KLF12: variants seen among roughly 807,000 people sequenced by gnomAD.
KLF12 encodes Krueppel-like factor 12.
KLF12 carries 9 observed loss-of-function variants against 37.8 expected under a neutral mutation model. The ratio of observed to expected loss-of-function variants is 0.24; its 90% confidence interval spans 0.14 to 0.42. The LOEUF (loss-of-function observed/expected upper bound fraction) is 0.42. KLF12 is among the 10% of genes least tolerant of loss of function. KLF12 has a pLI of 1.00. For synonymous variants in KLF12, 208 were observed against 202.1 expected, an observed-to-expected ratio of 1.03 and a Z score of -0.25; for missense variants, 411 against 516.0, an observed-to-expected ratio of 0.80 and a Z score of 1.97.
intron 5 of KLF12, chr13:73,800,051 C>A (rs552502857): frequency 1.2e-4 from 18 of 152,108 alleles, no homozygotes; most frequent in African/African-American, 4.3e-4. Context: ...GGGAAAGACA[C>A]AATAGCTGAT....
intron 1 of KLF12, among the ~76,000 whole-genome samples, chr13:74,058,306 T>C (rs1873368819): frequency 6.6e-6 from 1 of 151,174 alleles, no homozygotes; most frequent in Non-Finnish European, 1.5e-5. Context: ...AACCTTAGTT[T>C]CCTCATCTGC....
the KLF12 span, among the ~76,000 whole-genome samples, chr13:74,295,749 A>G: frequency 6.6e-6 from 1 of 152,136 alleles, no homozygotes; most frequent in Non-Finnish European, 1.5e-5. Flanking sequence ...TAATTCTGAA[A>G]GCTTTCCTGG....
At chr13:74,017,567 C>A (rs1354947015) in intron 1 of KLF12, among the ~76,000 whole-genome samples, 3 of 141,032 alleles carry the variant, frequency 2.1e-5, no homozygotes, top group South Asian at 4.9e-4. Flanking sequence ...GTCCCCCCCA[C>A]CCCCCAAAAA....
At chr13:74,108,513 G>A (rs1378080198) in intron 1 of KLF12, among the ~76,000 whole-genome samples, 1 of 152,010 alleles carries the variant, frequency 6.6e-6, no homozygotes, top group African/African-American at 2.4e-5. Context: ...GGGGGGTGAG[G>A]GTCATAGGAG....
At chr13:74,214,121 T>G in the KLF12 span, among the ~76,000 whole-genome samples, 1 of 152,236 alleles carries the variant, frequency 6.6e-6, no homozygotes, top group Non-Finnish European at 1.5e-5. Context: ...ATTTTTATTT[T>G]TTATTTGCCT....
chr13:73,805,622 G>GAGGGAGGGAGGAAGGAAGGAAGGA (rs1566380071), intron 5 of KLF12, among the ~76,000 whole-genome samples: 1 of 40,306 alleles, frequency 2.5e-5, no homozygotes, highest in East Asian at 8.9e-4. Flanking sequence ...GGGAGGGAGG[G>GAGGGAGGGAGGAAGGAAGGAAGGA]AGGGAGGGAG....
chr13:74,205,245 C>T, the KLF12 span, among the ~76,000 whole-genome samples: 7 of 152,174 alleles, frequency 4.6e-5, no homozygotes, highest in African/African-American at 1.7e-4. Flanking sequence ...GTTGAATTAA[C>T]CCAACTTAGT....
chr13:74,284,357 C>A, the KLF12 span, among the ~76,000 whole-genome samples: 1 of 152,146 alleles, frequency 6.6e-6, no homozygotes, highest in African/African-American at 2.4e-5. Context: ...AACAAAAAGT[C>A]TTGAAGGGGG....
chr13:73,746,797 C>A (rs187451463), intron 6 of KLF12, among the ~76,000 whole-genome samples: 2 of 146,916 alleles, frequency 1.4e-5, no homozygotes, highest in Non-Finnish European at 3.0e-5. Context: ...AAAGCCATGC[C>A]CCTCCCTCCC....
intron 7 of KLF12, among the ~76,000 whole-genome samples, chr13:73,696,959 G>A (rs939383827): frequency 3.9e-5 from 6 of 152,140 alleles, no homozygotes; most frequent in East Asian, 1.9e-4. Flanking sequence ...TGAAGATTTC[G>A]TTTAGACGCC....
At chr13:74,063,109 T>C (rs1873707049) in intron 1 of KLF12, among the ~76,000 whole-genome samples, 1 of 152,204 alleles carries the variant, frequency 6.6e-6, no homozygotes, top group South Asian at 2.1e-4. Flanking sequence ...CGGTGCACCA[T>C]GTCAGGGTGC....
At chr13:74,016,899 T>A (rs529430289) in intron 1 of KLF12, among the ~76,000 whole-genome samples, 1 of 152,294 alleles carries the variant, frequency 6.6e-6, no homozygotes, top group East Asian at 1.9e-4. Context: ...GTAAAATGGA[T>A]GAATAAATCT....
At position 73,689,020 on chromosome 13, in the gene KLF12, G is replaced by A. The variant is rs76285113; in HGVS notation, c.*6470C>T. On this transcript the variant is annotated 3_prime_UTR_variant, in exon 8 of 8. Coordinates refer to ENST00000377669, the MANE Select transcript of KLF12 (RefSeq NM_007249.5). ...AAATGTTGTACAGGTTGCAGGTAAC[G>A]TATCTAAAAATTGCCTAGTCTATTG... The A allele has an allele frequency of 4.5e-3, 685 of 152,132 alleles. 6 individuals carry two copies. The highest frequency in any genetic ancestry group is 0.015 in the African/African-American group (643 of 41,502). 9.4% of individuals were successfully genotyped at this position (152,132 alleles called of 1,614,324 possible). A position where few individuals can be genotyped will look rare whatever the true frequency, so the allele number is the denominator to read the frequency against.
the KLF12 span, among the ~76,000 whole-genome samples, chr13:74,211,452 C>G: frequency 1.3e-5 from 2 of 152,144 alleles, no homozygotes; most frequent in African/African-American, 4.8e-5. Context: ...ACAGAGCATT[C>G]TAAGTGGACG....
chr13:74,176,509 G>T, the KLF12 span, among the ~76,000 whole-genome samples: 1 of 152,044 alleles, frequency 6.6e-6, no homozygotes, highest in South Asian at 2.1e-4. Flanking sequence ...ACCCATGATC[G>T]TTCAGTGGGT....
intron 1 of KLF12, among the ~76,000 whole-genome samples, chr13:74,058,785 T>G (rs773134098): frequency 8.3e-4 from 126 of 152,186 alleles, no homozygotes; most frequent in Non-Finnish European, 7.9e-4. Context: ...TGGATTGTTG[T>G]TCTTATTTTC....
At chr13:74,198,598 C>A in the KLF12 span, among the ~76,000 whole-genome samples, 59 of 152,134 alleles carry the variant, frequency 3.9e-4, no homozygotes, top group Middle Eastern at 3.2e-3. Flanking sequence ...AATAGTAATT[C>A]ATAAAAACTG....
At chr13:74,110,042 T>A (rs978836325) in intron 1 of KLF12, among the ~76,000 whole-genome samples, 28 of 152,198 alleles carry the variant, frequency 1.8e-4, no homozygotes, top group African/African-American at 6.8e-4. Context: ...CTTTAGCCAA[T>A]GCTTACAAGA....
At chr13:74,004,937 CA>C (rs11346178) in intron 1 of KLF12, among the ~76,000 whole-genome samples, 2,892 of 120,926 alleles carry the variant, frequency 0.024, 44 homozygotes, top group East Asian at 0.074. Flanking sequence ...TGTGCACAGA[CA>C]AAAAAAAAAA....
Sources: allele counts gnomAD v4.1 joint callset (sites outside exome capture counted in the v4.1 genomes callset), GRCh38; gene constraint gnomAD v4.1.1; transcripts MANE v1.5; gene names NCBI Gene and HGNC (gene_info 2026-07-23, HGNC 2026-07-21).